Variants in NOL4 observed in about 807,000 individuals in gnomAD.
NOL4 encodes the protein cancer/testis antigen 125.
Under a neutral mutation model 75.9 loss-of-function variants are expected in NOL4, and 17 were observed. The observed-to-expected ratio is 0.22, with a 90% CI of 0.15 to 0.34. The LOEUF (loss-of-function observed/expected upper bound fraction) is 0.34, where lower values mean the gene tolerates loss of function less well. NOL4 is among the 10% of genes least tolerant of loss of function. NOL4 has a pLI of 1.00. For missense variants in NOL4, 614 were observed against 793.5 expected (o/e 0.77, Z 2.72); for synonymous variants, 292 against 289.9 (o/e 1.01, Z -0.07).
At chr18:34,139,080 A>T (rs2081024962) in intron 1 of NOL4, among the ~76,000 whole-genome samples, 1 of 152,186 alleles carries the variant, frequency 6.6e-6, no homozygotes, top group South Asian at 2.1e-4. Flanking sequence ...TTGAATTGCC[A>T]GTATTTTATT....
At chr18:33,889,780 C>A (rs2064988983) in intron 9 of NOL4, among the ~76,000 whole-genome samples, 1 of 152,096 alleles carries the variant, frequency 6.6e-6, no homozygotes, top group African/African-American at 2.4e-5. Context: ...AATCCAATGA[C>A]ATAAATCACA....
chr18:34,215,477 T>C (rs1444205469), intron 1 of NOL4, among the ~76,000 whole-genome samples: 2 of 152,248 alleles, frequency 1.3e-5, no homozygotes, highest in East Asian at 3.9e-4. Context: ...TCAAGAAATA[T>C]TAGTTTAGTA....
chr18:34,185,043 C>T (rs1172350903), intron 1 of NOL4, among the ~76,000 whole-genome samples: 1 of 152,046 alleles, frequency 6.6e-6, no homozygotes, highest in Non-Finnish European at 1.5e-5. Context: ...TCTATCTTGT[C>T]CCTAGTTAAG....
At chr18:33,966,567 C>G (rs1181039255) in intron 6 of NOL4, among the ~76,000 whole-genome samples, 1 of 151,880 alleles carries the variant, frequency 6.6e-6, no homozygotes, top group Non-Finnish European at 1.5e-5. Context: ...GCAAAGGGAC[C>G]CTAGAACTGA....
chr18:33,980,841 C>G (rs116723540), intron 6 of NOL4, among the ~76,000 whole-genome samples: 2,137 of 151,988 alleles, frequency 0.014, 51 homozygotes, highest in African/African-American at 0.048. Context: ...CATGAAGAGA[C>G]AGAACAAGCA....
At chr18:33,958,208 T>G in intron 7 of NOL4, 31 bp downstream of exon 7, 1 of 1,566,074 alleles carries the variant, frequency 6.4e-7, no homozygotes, top group African/African-American at 1.4e-5. Flanking sequence ...TGGTAAAAAT[T>G]AAACCACACT....
chr18:34,050,080 C>T (rs1284187016), intron 5 of NOL4, among the ~76,000 whole-genome samples: 3 of 152,048 alleles, frequency 2.0e-5, no homozygotes, highest in Non-Finnish European at 4.4e-5. Flanking sequence ...GTAAAAAATG[C>T]TGTTAAATTT....
chr18:34,070,233 A>G (rs1320709096), intron 5 of NOL4, among the ~76,000 whole-genome samples: 1 of 152,104 alleles, frequency 6.6e-6, no homozygotes, highest in African/African-American at 2.4e-5. Flanking sequence ...GGGTTTCACC[A>G]TGGTCTCGAT....
intron 9 of NOL4, among the ~76,000 whole-genome samples, chr18:33,906,113 A>G (rs1203526660): frequency 6.6e-6 from 1 of 152,200 alleles, no homozygotes; most frequent in Non-Finnish European, 1.5e-5. Flanking sequence ...TTTGGTGTAT[A>G]GTTGAAAGCA....
chr18:33,981,423 A>T (rs956601953), intron 6 of NOL4, among the ~76,000 whole-genome samples: 2 of 151,952 alleles, frequency 1.3e-5, no homozygotes, highest in African/African-American at 2.4e-5. Flanking sequence ...GATAAAGAAA[A>T]ATCTTGAAAG....
At chr18:34,059,656 G>A (rs761522957) in intron 5 of NOL4, among the ~76,000 whole-genome samples, 13 of 152,106 alleles carry the variant, frequency 8.5e-5, no homozygotes, top group Non-Finnish European at 1.6e-4. Flanking sequence ...CCTAAATCTG[G>A]AGTGGTCTGG....
chr18:33,895,121 T>C (rs1342372865), intron 9 of NOL4, among the ~76,000 whole-genome samples: 1 of 152,072 alleles, frequency 6.6e-6, no homozygotes, highest in Non-Finnish European at 1.5e-5. Flanking sequence ...TCAATCAAGA[T>C]AATATGAATA....
chr18:33,904,303 C>T (rs1271403029), intron 9 of NOL4, among the ~76,000 whole-genome samples: 1 of 152,014 alleles, frequency 6.6e-6, no homozygotes, highest in East Asian at 1.9e-4. Context: ...TTGATGCTGT[C>T]TCTGGCATAT....
At chr18:34,195,021 T>C (rs2035225149) in intron 1 of NOL4, among the ~76,000 whole-genome samples, 1 of 137,324 alleles carries the variant, frequency 7.3e-6, no homozygotes, top group East Asian at 2.2e-4. Context: ...AGAGCGAAAC[T>C]CCGTCTCAAA....
chr18:33,914,758 G>A (rs2066613631), intron 9 of NOL4, among the ~76,000 whole-genome samples: 1 of 152,114 alleles, frequency 6.6e-6, no homozygotes, highest in Non-Finnish European at 1.5e-5. Context: ...CAGGCCAACT[G>A]TAAGAATGAA....
At chr18:33,939,754 AC>A (rs776493377) in intron 9 of NOL4, among the ~76,000 whole-genome samples, 3 of 152,030 alleles carry the variant, frequency 2.0e-5, no homozygotes, top group Non-Finnish European at 4.4e-5. Context: ...CTATTTAAAT[AC>A]CCTTTCTTTC....
chr18:34,181,591 AC>A (rs1264016792), intron 1 of NOL4, among the ~76,000 whole-genome samples: 1 of 151,604 alleles, frequency 6.6e-6, no homozygotes, highest in African/African-American at 2.4e-5. Flanking sequence ...AAAATTAAAA[AC>A]TTTTGCATAT....
intron 9 of NOL4, among the ~76,000 whole-genome samples, chr18:33,924,364 C>A (rs1420570793): frequency 6.6e-6 from 1 of 152,200 alleles, no homozygotes; most frequent in African/African-American, 2.4e-5. Flanking sequence ...GTGATTTTCC[C>A]TATTTGGTGC....
chr18:34,109,318 C>G (rs138452218), intron 2 of NOL4, among the ~76,000 whole-genome samples: 320 of 151,880 alleles, frequency 2.1e-3, no homozygotes, highest in African/African-American at 7.2e-3. Flanking sequence ...TGAAACAAGC[C>G]TGGGTAATAT....
Sources: allele counts gnomAD v4.1 joint callset (sites outside exome capture counted in the v4.1 genomes callset), GRCh38; gene constraint gnomAD v4.1.1; transcripts MANE v1.5; gene names NCBI Gene and HGNC (gene_info 2026-07-23, HGNC 2026-07-21).